The following IQSEC1 variants were observed in gnomAD, a reference collection of about 807,000 sequenced individuals.
The protein encoded by IQSEC1 is IQ motif and SEC7 domain-containing protein 1.
In IQSEC1, 31 loss-of-function variants were observed where a neutral mutation model predicts 91.0. That is an observed-to-expected ratio of 0.34 (90% CI 0.26 to 0.46). The LOEUF (loss-of-function observed/expected upper bound fraction) is 0.46. Ranked by LOEUF, IQSEC1 falls within the 20% of genes least tolerant of loss-of-function variation. IQSEC1 has a pLI of 1.00. For missense variants in IQSEC1, 1,388 were observed against 1,575.6 expected, an observed-to-expected ratio of 0.88 and a Z score of 2.02; for synonymous variants, 699 against 662.6, an observed-to-expected ratio of 1.05 and a Z score of -0.84.
At chr3:13,043,702 G>A (rs901951082) in intron 1 of IQSEC1, among the ~76,000 whole-genome samples, 1 of 152,230 alleles carries the variant, frequency 6.6e-6, no homozygotes, top group Non-Finnish European at 1.5e-5. Context: ...TCTCTTTTAA[G>A]GGCCGGCCCA....
In IQSEC1 at chr3:12,908,123, G is replaced by C. The variant is rs374731403; in HGVS notation, c.2755+226C>G. On this transcript the variant is annotated intron_variant, in intron 12 of 13. Coordinates refer to ENST00000613206, the MANE Select transcript of IQSEC1 (RefSeq NM_001134382.3). This position sits in a 1 kb window ranked among gnomAD's most constrained non-coding sequence, Gnocchi z 4.9. ...TGGGGGTGACTTCCCCAGCTAATTC[G>C]TGTGCAATGCCTTTCTTTTTGACGT... Among the ~76,000 whole-genome samples, 1 of 152,238 alleles carries C rather than the reference G, an allele frequency of 6.6e-6. No individual in the cohort carries two copies. Among genetic ancestry groups the C allele is most frequent in the Non-Finnish European group, 1.5e-5 (1 of 68,046 alleles).
intron 1 of IQSEC1, among the ~76,000 whole-genome samples, chr3:13,040,427 G>C (rs1704216674): frequency 6.6e-6 from 1 of 152,224 alleles, no homozygotes; most frequent in African/African-American, 2.4e-5. Flanking sequence ...GCACAGTCAG[G>C]GCTTAAGAAC....
chr3:13,161,243 G>A (rs894171334), intron 2 of IQSEC1, among the ~76,000 whole-genome samples: 8 of 152,248 alleles, frequency 5.3e-5, no homozygotes, highest in South Asian at 2.1e-4. Context: ...GGGGTGTGGC[G>A]TCCAGGGACC....
chr3:13,177,250 C>T (rs975493717), intron 1 of IQSEC1, among the ~76,000 whole-genome samples: 2 of 152,232 alleles, frequency 1.3e-5, no homozygotes, highest in Admixed American at 1.3e-4. Flanking sequence ...GACCAGTGGT[C>T]CCTGACAAGG....
At chr3:13,090,111 G>C (rs1039955114) in intron 2 of IQSEC1, among the ~76,000 whole-genome samples, 22 of 151,992 alleles carry the variant, frequency 1.4e-4, no homozygotes, top group African/African-American at 5.1e-4. Flanking sequence ...CCAGCTACTC[G>C]GGAGGCTGAG....
intron 1 of IQSEC1, among the ~76,000 whole-genome samples, chr3:13,238,503 A>G (rs1694970184): frequency 6.6e-6 from 1 of 152,088 alleles, no homozygotes; most frequent in Non-Finnish European, 1.5e-5. Flanking sequence ...CAGAACCTTC[A>G]TGGCACTTGT....
At chr3:13,100,984 G>A (rs1459255334) in intron 2 of IQSEC1, among the ~76,000 whole-genome samples, 2 of 128,872 alleles carry the variant, frequency 1.6e-5, no homozygotes, top group Non-Finnish European at 3.4e-5. Context: ...GGAGGACCTC[G>A]AGCAAGAGTG....
At chr3:13,266,660 T>C (rs1486050279) in intron 1 of IQSEC1, among the ~76,000 whole-genome samples, 1 of 151,620 alleles carries the variant, frequency 6.6e-6, no homozygotes, top group Non-Finnish European at 1.5e-5. Flanking sequence ...GCCGTCACCT[T>C]AAGAAGAAAC....
intron 1 of IQSEC1, among the ~76,000 whole-genome samples, chr3:13,270,037 T>C (rs904477965): frequency 3.3e-5 from 5 of 152,228 alleles, no homozygotes; most frequent in African/African-American, 1.2e-4. Flanking sequence ...GTGGATATTC[T>C]GGTGGCAGTC....
In IQSEC1 at chr3:13,047,449, G is replaced by A. The variant is rs1047970386; in HGVS notation, c.23+25543C>T. On this transcript the variant is annotated intron_variant, in intron 1 of 13. Transcript: ENST00000613206. ...AGTGAGGACCTAAGGAGATCCTGGG[G>A]CAGGCTGGGGTGGACGGCAAGACAG... 6.3e-5 allele frequency: 62 copies of A among 983,752 alleles called. 1 individual carries two copies. The Middle Eastern group carries it at 1.6e-3, about 25-fold the overall frequency. 60.9% of individuals were successfully genotyped at this position (983,752 alleles called of 1,614,324 possible). A position where few individuals can be genotyped will look rare whatever the true frequency, so the allele number is the denominator to read the frequency against.
At chr3:13,097,520 A>AT (rs1188797137) in intron 2 of IQSEC1, among the ~76,000 whole-genome samples, 1 of 152,116 alleles carries the variant, frequency 6.6e-6, no homozygotes, top group Non-Finnish European at 1.5e-5. Flanking sequence ...TGCCAGCTCG[A>AT]GCCTCAGTCT....
chr3:12,994,477 G>T lies in IQSEC1; in HGVS notation c.24-52612C>A, dbSNP rs1032357309. ...TGGGTCAGGAGAGCGGGGTACGCGG[G>T]GTCCAGGCGCGGAACCGGGGGCACT... is the stretch of plus-strand genomic sequence containing the variant. On this transcript the variant is annotated intron_variant, in intron 1 of 13. Coordinates refer to ENST00000613206, the MANE Select transcript of IQSEC1 (RefSeq NM_001134382.3). This position sits in a 1 kb window ranked among gnomAD's most constrained non-coding sequence, Gnocchi z 4.5. Among the ~76,000 whole-genome samples, 2 of 152,068 alleles carry T rather than the reference G, an allele frequency of 1.3e-5. No homozygotes were observed. Among genetic ancestry groups the T allele is most frequent in the Non-Finnish European group, 2.9e-5 (2 of 67,986 alleles).
intron 1 of IQSEC1, among the ~76,000 whole-genome samples, chr3:13,278,213 G>A (rs1695725733): frequency 6.6e-6 from 1 of 152,118 alleles, no homozygotes; most frequent in African/African-American, 2.4e-5. Flanking sequence ...GGGCTGGAGG[G>A]GACCAGAAAG....
rs539115104 is a variant in IQSEC1, at chr3:12,960,100, C to A, written c.24-18235G>T. 1.2e-4 allele frequency among the ~76,000 whole-genome samples: 19 copies of A among 152,256 alleles called. No homozygotes were observed. The East Asian group carries it at 3.5e-3, about 28-fold the overall frequency. On this transcript the variant is annotated intron_variant, in intron 1 of 13. Transcript: ENST00000613206. ...TCACCCCATGGAAATAGCGGCACTG[C>A]AATGGTATAACGATGACGGCTGGAG...
At position 12,898,600 on chromosome 3, in the gene IQSEC1, T is replaced by TGA. The variant is rs1693882815; in HGVS notation, c.*2382_*2383insTC. 6.6e-6 allele frequency: 1 copy of TGA among 152,130 alleles called. No homozygotes were observed. The highest frequency in any genetic ancestry group is 2.1e-4 in the South Asian group (1 of 4,824). 9.4% of individuals were successfully genotyped at this position (152,130 alleles called of 1,614,324 possible). A position where few individuals can be genotyped will look rare whatever the true frequency, so the allele number is the denominator to read the frequency against. On this transcript the variant is annotated 3_prime_UTR_variant, in exon 14 of 14. Coordinates refer to ENST00000613206, the MANE Select transcript of IQSEC1 (RefSeq NM_001134382.3). ...TGTTCCTATTCATTACTGCTACCCT[T>TGA]CAGAAAGAGCAATTCTGTGCCAAAC... is the stretch of plus-strand genomic sequence containing the variant.
Position 12,920,566 on chromosome 3 carries a change from C to A in IQSEC1, c.1884G>T (p.Val628=). The change falls in exon 6 of 14, where the codon GTG becomes GTT. Residue 628 remains valine (V), a synonymous_variant. Coordinates refer to ENST00000613206, the MANE Select transcript of IQSEC1 (RefSeq NM_001134382.3). ...SQRYCICNPG[V]VRQFRNPDTI... ...TGTCTGGGTTCCGGAATTGCCGCAC[C>A]ACCCCAGGGTTGCAGATGCAGTAGC... 1.9e-6 allele frequency: 3 copies of A among 1,614,128 alleles called. No individual in the cohort carries two copies. The highest frequency in any genetic ancestry group is 2.5e-6 in the Non-Finnish European group (3 of 1,180,028).
In IQSEC1 at chr3:12,899,111, G is replaced by A; in HGVS notation, c.*1872C>T. 1.9e-6 allele frequency: 1 copy of A among 516,982 alleles called. No individual in the cohort carries two copies. Among genetic ancestry groups the A allele is most frequent in the Non-Finnish European group, 3.5e-6 (1 of 286,914 alleles). 32.0% of individuals were successfully genotyped at this position (516,982 alleles called of 1,614,324 possible). On this transcript the variant is annotated 3_prime_UTR_variant, in exon 14 of 14. Coordinates refer to ENST00000613206, the MANE Select transcript of IQSEC1 (RefSeq NM_001134382.3). ...TGCTCTCTCTGGAGATTAACAAAGT[G>A]CTTGGTTTGCAGATTTGCTGGTACG...
At chr3:13,188,918 G>A (rs759627974) in intron 1 of IQSEC1, among the ~76,000 whole-genome samples, 2 of 152,190 alleles carry the variant, frequency 1.3e-5, no homozygotes, top group African/African-American at 2.4e-5. Context: ...GATTTGAGTG[G>A]GCCCTTAAGT....
At chr3:13,236,569 C>T (rs1694932507) in intron 1 of IQSEC1, among the ~76,000 whole-genome samples, 1 of 152,212 alleles carries the variant, frequency 6.6e-6, no homozygotes, top group Non-Finnish European at 1.5e-5. Context: ...ACCCCATCCT[C>T]AGGTGCTTCG....
Sources: allele counts gnomAD v4.1 joint callset (sites outside exome capture counted in the v4.1 genomes callset), GRCh38; gene constraint gnomAD v4.1.1; non-coding constraint Gnocchi (gnomAD v3.1); transcripts MANE v1.5; gene names NCBI Gene and HGNC (gene_info 2026-07-23, HGNC 2026-07-21).